FANCL: variants seen among roughly 807,000 people sequenced by gnomAD.
FANCL encodes the protein FA complementation group L, also known as E3 ubiquitin-protein ligase FANCL.
In FANCL, 69 loss-of-function variants were observed where a neutral mutation model predicts 59.4. That is an observed-to-expected ratio of 1.16 (90% CI 0.96 to 1.42). The LOEUF is 1.42. Ranked by LOEUF, FANCL falls within the 40% of genes most tolerant of loss-of-function variation. The pLI is 0.00. For missense variants in FANCL, 519 were observed against 447.2 expected (o/e 1.16, Z -1.45); for synonymous variants, 180 against 147.1 (o/e 1.22, Z -1.62).
intron 8 of FANCL, among the ~76,000 whole-genome samples, chr2:58,164,082 A>G (rs1261349042): frequency 6.6e-6 from 1 of 152,044 alleles, no homozygotes; most frequent in Non-Finnish European, 1.5e-5. Context: ...GCAATTGTTC[A>G]TTAATAACCA....
At chr2:58,241,126 G>A (rs1020757528) in intron 1 of FANCL, 92 bp downstream of exon 1, 10 of 1,357,950 alleles carry the variant, frequency 7.4e-6, no homozygotes, top group South Asian at 1.2e-5. Context: ...CCACAAGTCT[G>A]GGCCCCTAAC....
Position 58,232,231 on chromosome 2 carries a change from T to G in FANCL, c.97-119A>C, listed in dbSNP as rs976125210. On this transcript the variant is annotated intron_variant, in intron 1 of 13. Coordinates refer to ENST00000233741, the MANE Select transcript of FANCL (RefSeq NM_018062.4). ...CTTTATTTTCTAAAAGGTATCAATTTTATCCACATCTTTATACTTGTTAAA... is the reference window on the plus strand; with the variant it reads ...CTTTATTTTCTAAAAGGTATCAATTGTATCCACATCTTTATACTTGTTAAA... 1.8e-5 allele frequency: 15 copies of G among 810,996 alleles called. No homozygotes were observed. The African/African-American group carries it at 2.0e-4, about 11-fold the overall frequency. 50.2% of individuals were successfully genotyped at this position (810,996 alleles called of 1,614,324 possible). A position where few individuals can be genotyped will look rare whatever the true frequency, so the allele number is the denominator to read the frequency against.
chr2:58,226,689 C>A (rs1693032448), intron 4 of FANCL, 39 bp downstream of exon 4: 2 of 1,442,806 alleles, frequency 1.4e-6, no homozygotes, highest in African/African-American at 2.8e-5. Flanking sequence ...TCAAGACTTG[C>A]AGTATGGTAA....
chr2:58,195,121 ATTGTT>A (rs1268106159), intron 7 of FANCL, among the ~76,000 whole-genome samples: 1 of 152,124 alleles, frequency 6.6e-6, no homozygotes, highest in East Asian at 1.9e-4. Context: ...CTGTTTAAAA[ATTGTT>A]TTAAAAAAAC....
chr2:58,184,195 TATAA>T (rs779656622), intron 7 of FANCL, among the ~76,000 whole-genome samples: 142 of 152,194 alleles, frequency 9.3e-4, no homozygotes, highest in Non-Finnish European at 1.6e-3. Context: ...ATCCATTAAA[TATAA>T]ATGTCTATTT....
chr2:58,209,954 A>C (rs763207894), intron 5 of FANCL, among the ~76,000 whole-genome samples: 1 of 152,194 alleles, frequency 6.6e-6, no homozygotes, highest in Non-Finnish European at 1.5e-5. Flanking sequence ...CCCAGTTCGC[A>C]CATCAGATTT....
At chr2:58,211,913 G>C (rs1691203676) in intron 5 of FANCL, among the ~76,000 whole-genome samples, 4 of 152,156 alleles carry the variant, frequency 2.6e-5, no homozygotes, top group African/African-American at 9.7e-5. Flanking sequence ...CAAGCAACTA[G>C]TCTCTAGGAA....
At chr2:58,234,686 T>A (rs1335478568) in intron 1 of FANCL, among the ~76,000 whole-genome samples, 2 of 151,990 alleles carry the variant, frequency 1.3e-5, no homozygotes, top group African/African-American at 2.4e-5. Context: ...TTGAGATATA[T>A]CTTAATCAAC....
chr2:58,224,554 G>C (rs1692795591), intron 4 of FANCL, among the ~76,000 whole-genome samples: 1 of 151,630 alleles, frequency 6.6e-6, no homozygotes, highest in Non-Finnish European at 1.5e-5. Flanking sequence ...CATTAAAAAA[G>C]GACTCCAGAA....
At chr2:58,227,470 C>A (rs959379831) in intron 3 of FANCL, among the ~76,000 whole-genome samples, 1 of 152,182 alleles carries the variant, frequency 6.6e-6, no homozygotes, top group Non-Finnish European at 1.5e-5. Context: ...CGGTTTTCCC[C>A]TGGCGTCGGG....
chr2:58,198,034 TG>T (rs1689603082), intron 7 of FANCL, among the ~76,000 whole-genome samples: 1 of 151,874 alleles, frequency 6.6e-6, no homozygotes, highest in African/African-American at 2.4e-5. Context: ...GGATGGTGTG[TG>T]TGTGTGTGTG....
At chr2:58,240,494 G>A (rs927868297) in intron 1 of FANCL, among the ~76,000 whole-genome samples, 2 of 152,160 alleles carry the variant, frequency 1.3e-5, no homozygotes, top group South Asian at 4.1e-4. Context: ...TAACGTCTCC[G>A]GTTTCCCATA....
intron 5 of FANCL, among the ~76,000 whole-genome samples, chr2:58,209,230 T>C (rs1381456131): frequency 2.0e-5 from 3 of 152,208 alleles, no homozygotes; most frequent in East Asian, 1.9e-4. Context: ...TATGTGTCAG[T>C]GTACCATGTT....
chr2:58,214,567 G>C (rs1007242216), intron 5 of FANCL, among the ~76,000 whole-genome samples: 1 of 152,062 alleles, frequency 6.6e-6, no homozygotes, highest in African/African-American at 2.4e-5. Flanking sequence ...GAAGTGCAGT[G>C]GTGTGATCTC....
chr2:58,183,827 T>C (rs79442003), intron 7 of FANCL, among the ~76,000 whole-genome samples: 3,165 of 152,096 alleles, frequency 0.021, 115 homozygotes, highest in African/African-American at 0.074. Flanking sequence ...TTTAGCCATG[T>C]ACAGGACTAC....
chr2:58,222,294 G>A (rs1388944873), intron 4 of FANCL, among the ~76,000 whole-genome samples: 1 of 146,816 alleles, frequency 6.8e-6, no homozygotes, highest in African/African-American at 2.6e-5. Flanking sequence ...ATATTCTCCT[G>A]GACTATTATG....
At chr2:58,191,665 A>C (rs1439972729) in intron 7 of FANCL, among the ~76,000 whole-genome samples, 1 of 151,878 alleles carries the variant, frequency 6.6e-6, no homozygotes, top group Admixed American at 6.6e-5. Flanking sequence ...TACATAATTC[A>C]ATATATAGAT....
At chr2:58,222,260 C>G (rs1343463455) in intron 4 of FANCL, among the ~76,000 whole-genome samples, 2 of 151,834 alleles carry the variant, frequency 1.3e-5, no homozygotes, top group African/African-American at 2.4e-5. Context: ...AATTTTTATG[C>G]CATGAAAATA....
intron 5 of FANCL, among the ~76,000 whole-genome samples, chr2:58,216,413 T>C (rs11692859): frequency 0.056 from 8,470 of 152,192 alleles, 353 homozygotes; most frequent in Non-Finnish European, 0.082. Context: ...GAAGTCTGAA[T>C]AGCCAAGGGC....
Sources: gnomAD v4.1 joint callset for allele counts (sites outside exome capture counted in the v4.1 genomes callset) on GRCh38, gnomAD v4.1.1 for gene constraint, MANE v1.5 for transcripts, NCBI Gene and HGNC (gene_info 2026-07-23, HGNC 2026-07-21) for gene names.